IL4I1: variants seen among roughly 807,000 people sequenced by gnomAD.
IL4I1 encodes the protein L-amino-acid oxidase.
A neutral mutation model predicts 29.7 loss-of-function variants in IL4I1; 24 were observed. That is an observed-to-expected ratio of 0.81 (90% CI 0.59 to 1.14). The LOEUF (loss-of-function observed/expected upper bound fraction) is 1.14, where lower values mean the gene tolerates loss of function less well. Among genes scored for constraint, IL4I1 ranks in the 50% most tolerant of loss-of-function variants. IL4I1 has a pLI of 0.00. For missense variants in IL4I1, 686 were observed against 785.6 expected, an observed-to-expected ratio of 0.87 and a Z score of 1.52; for synonymous variants, 371 against 352.5, an observed-to-expected ratio of 1.05 and a Z score of -0.59.
At chr19:49,905,576 A>G (rs1170310997) in intron 2 of IL4I1, among the ~76,000 whole-genome samples, 2 of 152,192 alleles carry the variant, frequency 1.3e-5, no homozygotes, top group Non-Finnish European at 2.9e-5. Context: ...TGTCCTCCAG[A>G]GCCCAAGATG....
chr19:49,897,897 C>T (rs563958521), upstream of IL4I1, among the ~76,000 whole-genome samples: 4 of 151,562 alleles, frequency 2.6e-5, 1 homozygote, highest in African/African-American at 7.3e-5. Flanking sequence ...AAGAGGGATG[C>T]GGTTATGGCC....
At chr19:49,908,773 C>T (rs2075381119) in intron 2 of IL4I1, 1 of 1,613,786 alleles carries the variant, frequency 6.2e-7, no homozygotes, top group Non-Finnish European at 8.5e-7. Context: ...GCTCCTGGTC[C>T]TCTAGCTCCA....
rs147918189 is a variant in IL4I1 at position 49,920,896 on chromosome 19, C to T, written c.-228+6798G>A. Among the ~76,000 whole-genome samples the T allele has an allele frequency of 6.7e-3, 1,020 of 152,282 alleles. 49 individuals are homozygous for T. Among genetic ancestry groups the T allele is most frequent in the Admixed American group, 0.063 (958 of 15,288 alleles). The stretch of plus-strand genomic sequence containing the variant: ...CAGCCCCTCTTCTTGTCAACATCAG[C>T]TTCCCCGGGGAGAGGCAGTGATGTT... On this transcript the variant is annotated intron_variant, in intron 2 of 9. Transcript: ENST00000341114.
intron 2 of IL4I1, chr19:49,909,685 C>T: frequency 6.2e-7 from 1 of 1,614,138 alleles, no homozygotes; most frequent in Non-Finnish European, 8.5e-7. Flanking sequence ...CAAAATTAAA[C>T]CCTCCAGTGC....
At chr19:49,909,517 G>C (rs2075407039) in intron 2 of IL4I1, 2 of 1,614,072 alleles carry the variant, frequency 1.2e-6, no homozygotes, top group Non-Finnish European at 1.7e-6. Flanking sequence ...TGCTCAAGTT[G>C]AGCTTTGAAG....
chr19:49,894,483 T>G lies in IL4I1; in HGVS notation c.366-14A>C, dbSNP rs1600470595. ...TTGTGGAGGATCCTGATCAGGGGAGTGGGTGAGTGAGGGCCGGGCTCCAGT... is the reference window on the plus strand; with the variant it reads ...TTGTGGAGGATCCTGATCAGGGGAGGGGGTGAGTGAGGGCCGGGCTCCAGT... On this transcript the variant is annotated splice_polypyrimidine_tract_variant and intron_variant, in intron 4 of 7. Transcript: ENST00000391826. 7.0e-7 allele frequency: 1 copy of G among 1,434,978 alleles called. No homozygotes were observed. Among genetic ancestry groups the G allele is most frequent in the African/African-American group, 1.7e-5 (1 of 58,732 alleles). The allele number at this position is 1,434,978 out of a possible 1,614,324, so 88.9% of individuals were successfully genotyped here.
At chr19:49,924,391 C>T (rs2075834839) in intron 2 of IL4I1, among the ~76,000 whole-genome samples, 1 of 152,162 alleles carries the variant, frequency 6.6e-6, no homozygotes, top group Non-Finnish European at 1.5e-5. Context: ...TCTCCCTTAT[C>T]CAAGGCTCTG....
At chr19:49,906,435 T>C (rs1181310278) in intron 2 of IL4I1, among the ~76,000 whole-genome samples, 1 of 151,840 alleles carries the variant, frequency 6.6e-6, no homozygotes, top group Non-Finnish European at 1.5e-5. Context: ...TGGTCTTGAA[T>C]CCCTGACCTC....
Position 49,890,556 on chromosome 19 carries a change from A to AGC in IL4I1, c.816_817dup (p.Leu273ArgfsTer3). 6.3e-7 allele frequency: 1 copy of AGC among 1,595,924 alleles called. No individual in the cohort carries two copies. The highest frequency in any genetic ancestry group is 8.5e-7 in the Non-Finnish European group (1 of 1,173,634). Reference sequence around the variant, plus strand: ...CACAAGCCCGGACAGCGAGCTCAGCAGCGCGCGCGGCAGCAGGTCCCAGCC... The same window carrying AGC: ...CACAAGCCCGGACAGCGAGCTCAGCAGCGCGCGCGCGGCAGCAGGTCCCAGCC... On this transcript the variant is annotated frameshift_variant, in exon 8 of 8. Transcript: ENST00000391826. LOFTEE classifies it low-confidence loss of function (END_TRUNC).
Position 49,895,086 on chromosome 19 carries a change from C to T in IL4I1, c.347G>A (p.Arg116His), listed in dbSNP as rs557965217. Residue 116 changes from arginine (R) to histidine (H), a missense_variant, in exon 4 of 8, where the codon CGC (arginine) becomes CAC (histidine). Arg to His is a conservative substitution (Grantham distance 29). Coordinates refer to ENST00000391826, the MANE Select transcript of IL4I1 (RefSeq NM_152899.2). ...TGWIGELGAM[R>H]MPSSHRILHK... The stretch of plus-strand genomic sequence containing the variant: ...AGGTCACCTGTGAGAGCTGGGCATG[C>T]GCATGGCTCCCAGCTCCCCAATCCA... 5.0e-6 allele frequency: 8 copies of T among 1,613,498 alleles called. No individual in the cohort carries two copies. The highest frequency in any genetic ancestry group is 1.7e-5 in the Admixed American group (1 of 59,982).
chr19:49,895,169 C>T lies in IL4I1; in HGVS notation c.264G>A (p.Leu88=), dbSNP rs2075190285. The T allele has an allele frequency of 1.2e-6, 2 of 1,613,618 alleles. No homozygotes were observed. Among genetic ancestry groups the T allele is most frequent in the Non-Finnish European group, 1.7e-6 (2 of 1,179,776 alleles). Residue 88 remains leucine, a synonymous_variant, in exon 4 of 8, where the codon CTG becomes CTA. Coordinates refer to ENST00000391826, the MANE Select transcript of IL4I1 (RefSeq NM_152899.2). The stretch of plus-strand genomic sequence containing the variant: ...GGCCCCCGATCCTGTTATCTGCCTC[C>T]AGGATGGTGACCTGAGGGAGTCCGT... ...LSDAGHKVTI[L]EADNRIGGRI...
intron 2 of IL4I1, among the ~76,000 whole-genome samples, chr19:49,912,191 C>T (rs1214543842): frequency 2.8e-4 from 30 of 108,880 alleles, no homozygotes; most frequent in Admixed American, 1.5e-3. Context: ...TTTTTTGAGA[C>T]GGGAGTCTCG....
intron 2 of IL4I1, among the ~76,000 whole-genome samples, chr19:49,914,733 T>TC (rs1600523258): frequency 9.7e-6 from 1 of 102,952 alleles, no homozygotes; most frequent in East Asian, 2.5e-4. Context: ...CCAGTTTTTT[T>TC]TTTTTTTTTT....
upstream of IL4I1, among the ~76,000 whole-genome samples, chr19:49,898,436 C>G (rs1052316298): frequency 1.3e-5 from 2 of 152,192 alleles, no homozygotes; most frequent in Non-Finnish European, 2.9e-5. Flanking sequence ...CCCAGGGGCT[C>G]GAGACCAGCC....
rs1249033972 is a variant in IL4I1 at position 49,921,247 on chromosome 19, T to C, written c.-228+6447A>G. ...GAAAGGGGAGAGGACTTCAGTCACCTGCGTAAAGTCCCACAACCAGTAAGG... is the reference window on the plus strand; with the variant it reads ...GAAAGGGGAGAGGACTTCAGTCACCCGCGTAAAGTCCCACAACCAGTAAGG... On this transcript the variant is annotated intron_variant, in intron 2 of 9. Coordinates refer to the IL4I1 transcript ENST00000341114. This position sits in a 1 kb window ranked among gnomAD's most constrained non-coding sequence, Gnocchi z 5.4. 6.6e-6 allele frequency among the ~76,000 whole-genome samples: 1 copy of C among 152,176 alleles called. No individual in the cohort carries two copies. The highest frequency in any genetic ancestry group is 1.5e-5 in the Non-Finnish European group (1 of 68,026).
In IL4I1 at chr19:49,891,109, T is replaced by G; in HGVS notation, c.637-2A>C. The G allele has an allele frequency of 6.2e-7, 1 of 1,611,694 alleles. No homozygotes were observed. The highest frequency in any genetic ancestry group is 8.5e-7 in the Non-Finnish European group (1 of 1,179,238). On this transcript the variant is annotated splice_acceptor_variant, in intron 6 of 7. Transcript: ENST00000391826. LOFTEE classifies it high-confidence loss of function. The stretch of plus-strand genomic sequence containing the variant: ...GTTCCCCTCCCCGAGAAGATATTCC[T>G]GCAGGTTGGGCACAGGCCGAGGTTA...
intron 2 of IL4I1, among the ~76,000 whole-genome samples, chr19:49,912,577 G>A (rs984424823): frequency 2.0e-5 from 3 of 152,082 alleles, no homozygotes; most frequent in African/African-American, 7.2e-5. Context: ...ACGCAGTTTA[G>A]ATATGGCCAG....
chr19:49,906,583 G>A (rs533050553), intron 2 of IL4I1, among the ~76,000 whole-genome samples: 1 of 152,306 alleles, frequency 6.6e-6, no homozygotes, highest in African/African-American at 2.4e-5. Context: ...GGCTTCACTC[G>A]TGTGTTCCTC....
At chr19:49,906,633 A>G (rs1036098004) in intron 2 of IL4I1, among the ~76,000 whole-genome samples, 3 of 152,154 alleles carry the variant, frequency 2.0e-5, no homozygotes, top group African/African-American at 7.2e-5. Flanking sequence ...GCAAACCACG[A>G]TTTGCATTTG....
Sources: gnomAD v4.1 joint callset for allele counts (sites outside exome capture counted in the v4.1 genomes callset) on GRCh38, gnomAD v4.1.1 for gene constraint, Gnocchi (gnomAD v3.1) non-coding constraint, MANE v1.5 for transcripts, NCBI Gene and HGNC (gene_info 2026-07-23, HGNC 2026-07-21) for gene names.